The following TRAF2 variants were observed in gnomAD, a reference collection of about 807,000 sequenced individuals.
TRAF2 encodes TNF receptor-associated factor 2.
TRAF2 carries 6 observed loss-of-function variants against 55.6 expected under a neutral mutation model. That is an observed-to-expected ratio of 0.11 (90% CI 0.06 to 0.21). The LOEUF is 0.21. TRAF2 is among the 10% of genes least tolerant of loss of function. The pLI is 1.00. For missense variants in TRAF2, 561 were observed against 684.5 expected (o/e 0.82, Z 2.01); for synonymous variants, 329 against 276.3 (o/e 1.19, Z -1.89).
At chr9:136,897,440 G>A (rs1449059102) in intron 1 of TRAF2, among the ~76,000 whole-genome samples, 1 of 152,202 alleles carries the variant, frequency 6.6e-6, no homozygotes, top group Non-Finnish European at 1.5e-5. Flanking sequence ...CATGTGTATC[G>A]TCTGAAGTGA....
chr9:136,918,225 G>GTTTA (rs1564419348), intron 7 of TRAF2, among the ~76,000 whole-genome samples: 1 of 86,508 alleles, frequency 1.2e-5, no homozygotes, highest in African/African-American at 5.1e-5. Flanking sequence ...AGAGTGTTTT[G>GTTTA]TTTATATATA....
intron 6 of TRAF2, among the ~76,000 whole-genome samples, chr9:136,914,280 C>T (rs564997336): frequency 1.3e-5 from 2 of 152,332 alleles, no homozygotes; most frequent in Admixed American, 1.3e-4. Flanking sequence ...TCCAGCAGTG[C>T]CTTCTCCCAC....
chr9:136,908,901 G>C (rs1018579756), intron 5 of TRAF2, among the ~76,000 whole-genome samples: 1 of 145,506 alleles, frequency 6.9e-6, no homozygotes, highest in Admixed American at 6.9e-5. Context: ...AGCCAGGCAC[G>C]GTGGCGAGTG....
intron 6 of TRAF2, among the ~76,000 whole-genome samples, chr9:136,913,698 GT>G (rs565641595): frequency 4.6e-5 from 7 of 151,954 alleles, no homozygotes; most frequent in Non-Finnish European, 7.4e-5. Flanking sequence ...AAATGTGAGG[GT>G]TTTTTTTAAA....
At chr9:136,912,368 G>T (rs1850136085) in intron 6 of TRAF2, among the ~76,000 whole-genome samples, 1 of 151,034 alleles carries the variant, frequency 6.6e-6, no homozygotes, top group Non-Finnish European at 1.5e-5. Context: ...CACCATCTTG[G>T]CCAGGCTGGT....
chr9:136,892,061 C>T (rs1483907542), intron 1 of TRAF2, among the ~76,000 whole-genome samples: 1 of 152,056 alleles, frequency 6.6e-6, no homozygotes, highest in Non-Finnish European at 1.5e-5. Flanking sequence ...CTTTATTTTA[C>T]TTTCTTGCCC....
intron 4 of TRAF2, among the ~76,000 whole-genome samples, chr9:136,902,923 T>G (rs976299490): frequency 9.2e-5 from 14 of 152,200 alleles, no homozygotes; most frequent in Admixed American, 7.9e-4. Flanking sequence ...TTTTGAATGT[T>G]TGTCCTTTGC....
At chr9:136,924,866 G>T (rs1181552482) in intron 10 of TRAF2, among the ~76,000 whole-genome samples, 1 of 152,084 alleles carries the variant, frequency 6.6e-6, no homozygotes, top group African/African-American at 2.4e-5. Context: ...AGCCTCCTGA[G>T]TAGCTGGGAC....
chr9:136,924,623 C>T (rs1349396834), intron 10 of TRAF2, among the ~76,000 whole-genome samples: 1 of 152,088 alleles, frequency 6.6e-6, no homozygotes, highest in Non-Finnish European at 1.5e-5. Context: ...CCAGCTTTAG[C>T]CCAGGACTCC....
intron 4 of TRAF2, 185 bp downstream of exon 4, chr9:136,900,705 C>T: frequency 1.5e-6 from 1 of 669,570 alleles, no homozygotes; most frequent in Non-Finnish European, 2.8e-6. Context: ...TCAAGTAGTG[C>T]AGAGCACAGA....
chr9:136,904,473 C>G (rs1468441942), intron 4 of TRAF2, among the ~76,000 whole-genome samples: 1 of 151,878 alleles, frequency 6.6e-6, no homozygotes, highest in South Asian at 2.1e-4. Flanking sequence ...TGGCACGATC[C>G]CGGCTCACTG....
chr9:136,895,646 G>GT (rs1171411510), intron 1 of TRAF2, among the ~76,000 whole-genome samples: 2 of 152,192 alleles, frequency 1.3e-5, no homozygotes, highest in Non-Finnish European at 2.9e-5. Context: ...GAGGCCAGGA[G>GT]TTTAAGACCA....
chr9:136,908,239 G>C lies in TRAF2; in HGVS notation c.528+8G>C, dbSNP rs757188235. The C allele has an allele frequency of 2.0e-5, 32 of 1,564,130 alleles. No homozygotes were observed. Among genetic ancestry groups the C allele is most frequent in the Non-Finnish European group, 2.8e-5 (32 of 1,163,176 alleles). On this transcript the variant is annotated splice_region_variant and intron_variant, in intron 5 of 10. Transcript: ENST00000247668. ...TGCGGAGCAGACGTGAAGGTGCGTG[G>C]GGTGGAGCAGCAGCCTGTGTGGCTG... is the stretch of plus-strand genomic sequence containing the variant.
chr9:136,898,173 C>T (rs1387788808), intron 1 of TRAF2, among the ~76,000 whole-genome samples: 8 of 152,200 alleles, frequency 5.3e-5, no homozygotes, highest in South Asian at 2.1e-4. Flanking sequence ...GCTACATTCC[C>T]GCTCTAGGGG....
intron 2 of TRAF2, 148 bp downstream of exon 2, chr9:136,899,076 C>T (rs1588424675): frequency 1.3e-6 from 1 of 797,984 alleles, no homozygotes; most frequent in African/African-American, 1.7e-5. Context: ...GGAGGTTTAC[C>T]ACAAAGAATG....
chr9:136,895,127 C>G lies in TRAF2; in HGVS notation c.-28-3586C>G, dbSNP rs565829032. Among the ~76,000 whole-genome samples, 11 of 152,320 alleles carry G rather than the reference C, an allele frequency of 7.2e-5. No homozygotes were observed. In the East Asian group the frequency reaches 2.1e-3, roughly 29 times the overall value. On this transcript the variant is annotated intron_variant, in intron 1 of 10. Transcript: ENST00000247668. ...AGAAGGGCCTCAGCAGTGTTCTGGC[C>G]TTTTGGGTTCATCCAAAACTTGCCG...
chr9:136,886,606 C>A (rs1244985383), intron 1 of TRAF2, 65 bp downstream of exon 1: 1 of 955,070 alleles, frequency 1.0e-6, no homozygotes, highest in Non-Finnish European at 1.2e-6. Context: ...CGGGGTCGGG[C>A]GCGGGGTCGG....
intron 6 of TRAF2, among the ~76,000 whole-genome samples, chr9:136,910,992 C>G (rs572422711): frequency 1.3e-5 from 2 of 152,202 alleles, no homozygotes; most frequent in African/African-American, 2.4e-5. Flanking sequence ...GCCTGGGGCC[C>G]GTGTCTGTGA....
intron 7 of TRAF2, among the ~76,000 whole-genome samples, chr9:136,916,839 C>T (rs1052666059): frequency 3.9e-5 from 6 of 152,158 alleles, no homozygotes; most frequent in Admixed American, 6.5e-5. Flanking sequence ...TTGACTGCCA[C>T]CTGTCTCTGA....
Sources: allele counts gnomAD v4.1 joint callset (sites outside exome capture counted in the v4.1 genomes callset), GRCh38; gene constraint gnomAD v4.1.1; transcripts MANE v1.5; gene names NCBI Gene and HGNC (gene_info 2026-07-23, HGNC 2026-07-21).